Variants in TMUB2 observed in about 807,000 individuals in gnomAD.
TMUB2 encodes the protein transmembrane and ubiquitin like domain containing 2.
TMUB2 carries 19 observed loss-of-function variants against 20.2 expected under a neutral mutation model. That is an observed-to-expected ratio of 0.94 (90% CI 0.66 to 1.38). The LOEUF (loss-of-function observed/expected upper bound fraction) is 1.38, where lower values mean the gene tolerates loss of function less well. TMUB2 is among the 40% of genes most tolerant of loss of function. TMUB2 has a pLI of 0.00. For missense variants in TMUB2, 426 were observed against 402.5 expected, an observed-to-expected ratio of 1.06 and a Z score of -0.50; for synonymous variants, 186 against 166.0, an observed-to-expected ratio of 1.12 and a Z score of -0.92.
At chr17:44,190,407 GT>G in intron 3 of TMUB2, 93 bp from the exon 4 acceptor site, 1 of 1,117,866 alleles carries the variant, frequency 8.9e-7, no homozygotes. Flanking sequence ...CCACCCTCCA[GT>G]TTTTCCCCAC....
chr17:44,191,065 A>G lies in TMUB2; in HGVS notation c.*201A>G, dbSNP rs553262423. ...CAGATGTCCCTCCCGTGCGAGCACA[A>G]CTCAGGTAGAAATGAGGATGTCATC... On this transcript the variant is annotated 3_prime_UTR_variant, in exon 4 of 4. Coordinates refer to ENST00000538716, the MANE Select transcript of TMUB2 (RefSeq NM_001076674.3). 2.9e-6 allele frequency: 4 copies of G among 1,370,370 alleles called. No individual in the cohort carries two copies. Among genetic ancestry groups the G allele is most frequent in the Non-Finnish European group, 3.8e-6 (4 of 1,064,388 alleles). 84.9% of individuals were successfully genotyped at this position (1,370,370 alleles called of 1,614,324 possible). A position where few individuals can be genotyped will look rare whatever the true frequency, so the allele number is the denominator to read the frequency against.
In TMUB2 at chr17:44,189,174, G is replaced by A. The variant is rs1236764197; in HGVS notation, c.188G>A (p.Ser63Asn). 6.2e-6 allele frequency: 10 copies of A among 1,614,036 alleles called. No individual in the cohort carries two copies. The highest frequency in any genetic ancestry group is 1.3e-5 in the African/African-American group (1 of 74,916). Reference sequence around the variant, plus strand: ...TCTACCTACGTAGCAGACAGCGGTAGCAACCAGCTCCTGGGCGCTATTGTG... The same window carrying A: ...TCTACCTACGTAGCAGACAGCGGTAACAACCAGCTCCTGGGCGCTATTGTG... The part of the protein sequence containing the change: ...WLSTYVADSG[S>N]NQLLGAIVSA... Residue 63 changes from serine (S) to asparagine (N), a missense_variant, in exon 3 of 4, where the codon AGC becomes AAC. Physicochemically the swap from Ser to Asn is conservative, Grantham distance 46. Transcript: ENST00000538716.
intron 2 of TMUB2, among the ~76,000 whole-genome samples, chr17:44,188,281 C>T (rs2054779762): frequency 6.6e-6 from 1 of 152,162 alleles, no homozygotes; most frequent in Non-Finnish European, 1.5e-5. Flanking sequence ...GTGGTCATTG[C>T]AGGAGTGGGC....
Position 44,191,371 on chromosome 17 carries a change from T to G in TMUB2, c.*507T>G, listed in dbSNP as rs1016064711. On this transcript the variant is annotated 3_prime_UTR_variant, in exon 4 of 4. Transcript: ENST00000538716. ...TGAAGATTGTGCCAGCCTTCTCTTA[T>G]GGGCACCTAGCCGCCTTCACCTTCT... 1 of 987,820 alleles carries G rather than the reference T, an allele frequency of 1.0e-6. No homozygotes were observed. Among genetic ancestry groups the G allele is most frequent in the African/African-American group, 1.7e-5 (1 of 57,278 alleles). The allele number at this position is 987,820 out of a possible 1,614,324, so 61.2% of individuals were successfully genotyped here.
chr17:44,188,748 T>G (rs1460627602), intron 2 of TMUB2: 3 of 378,930 alleles, frequency 7.9e-6, no homozygotes, highest in Non-Finnish European at 1.4e-5. Flanking sequence ...CTGTGGGCTT[T>G]TCCTGCTGAT....
intron 2 of TMUB2, 92 bp from the exon 3 acceptor site, chr17:44,188,930 T>G: frequency 6.9e-7 from 1 of 1,449,190 alleles, no homozygotes; most frequent in African/African-American, 1.4e-5. Flanking sequence ...TTTTTTTTTT[T>G]TCAGGGCTGG....
rs540996024 is a variant in TMUB2, at chr17:44,188,837, G to A, written c.36-185G>A. 2.9e-6 allele frequency: 3 copies of A among 1,018,494 alleles called. No individual in the cohort carries two copies. The East Asian group carries it at 8.3e-5, about 28-fold the overall frequency. The allele number at this position is 1,018,494 out of a possible 1,614,324, so 63.1% of individuals were successfully genotyped here. ...GCAAGAGTTTCACAATAGAGGCAAA[G>A]GGTAGGGTAGGTCTTTAGGTTTAGG... is the stretch of plus-strand genomic sequence containing the variant. On this transcript the variant is annotated intron_variant, in intron 2 of 3. Coordinates refer to ENST00000538716, the MANE Select transcript of TMUB2 (RefSeq NM_001076674.3).
chr17:44,191,638 T>C lies in TMUB2; in HGVS notation c.*774T>C, dbSNP rs2055606976. On this transcript the variant is annotated 3_prime_UTR_variant, in exon 4 of 4. Transcript: ENST00000538716. ...TCCTACCCTGCCCAACTCCAAGGACTGGGTATGGATTGCTGGGCCCTAGGC... is the reference window on the plus strand; with the variant it reads ...TCCTACCCTGCCCAACTCCAAGGACCGGGTATGGATTGCTGGGCCCTAGGC... 1.0e-6 allele frequency: 1 copy of C among 985,674 alleles called. No homozygotes were observed. Among genetic ancestry groups the C allele is most frequent in the Non-Finnish European group, 1.2e-6 (1 of 829,916 alleles). The allele number at this position is 985,674 out of a possible 1,614,324, so 61.1% of individuals were successfully genotyped here. A position where few individuals can be genotyped will look rare whatever the true frequency, so the allele number is the denominator to read the frequency against.
In TMUB2 at chr17:44,191,525, C is replaced by T; in HGVS notation, c.*661C>T. 1 of 986,052 alleles carries T rather than the reference C, an allele frequency of 1.0e-6. No homozygotes were observed. The highest frequency in any genetic ancestry group is 1.2e-6 in the Non-Finnish European group (1 of 830,090). 61.1% of individuals were successfully genotyped at this position (986,052 alleles called of 1,614,324 possible). ...AAGGGGATGGGGCACCAAGCCAAGC[C>T]CCCAGCATTGGGAGCGGCCAGGCCA... On this transcript the variant is annotated 3_prime_UTR_variant, in exon 4 of 4. Coordinates refer to ENST00000538716, the MANE Select transcript of TMUB2 (RefSeq NM_001076674.3).
Position 44,187,756 on chromosome 17 carries a change from T to G in TMUB2, c.35+13T>G, listed in dbSNP as rs1406060594. 2.8e-6 allele frequency: 2 copies of G among 718,596 alleles called. No individual in the cohort carries two copies. Among genetic ancestry groups the G allele is most frequent in the East Asian group, 5.4e-5 (2 of 37,294 alleles). The allele number at this position is 718,596 out of a possible 1,614,324, so 44.5% of individuals were successfully genotyped here. A position where few individuals can be genotyped will look rare whatever the true frequency, so the allele number is the denominator to read the frequency against. ...ACAACCTCATGAGGTAGGTACTGTTTTTAACCCCATTTTACTGATGAGAAA... is the reference window on the plus strand; with the variant it reads ...ACAACCTCATGAGGTAGGTACTGTTGTTAACCCCATTTTACTGATGAGAAA... On this transcript the variant is annotated intron_variant, in intron 2 of 3. Coordinates refer to ENST00000538716, the MANE Select transcript of TMUB2 (RefSeq NM_001076674.3).
intron 3 of TMUB2, chr17:44,190,039 C>G: frequency 6.0e-6 from 1 of 166,500 alleles, no homozygotes; most frequent in South Asian, 1.5e-4. Context: ...ATACACCCCT[C>G]ATTAGTTAAG....
rs759991577 is a variant in TMUB2, at chr17:44,190,547, G to T, written c.649G>T (p.Gly217Cys). 2.1e-5 allele frequency: 34 copies of T among 1,613,080 alleles called. No individual in the cohort carries two copies. Among genetic ancestry groups the T allele is most frequent in the Non-Finnish European group, 6.8e-6 (8 of 1,179,530 alleles). Residue 217 changes from glycine to cysteine, a missense_variant, in exon 4 of 4, where the codon GGC (glycine) becomes TGC (cysteine). Physicochemically the swap from Gly to Cys is radical, Grantham distance 159 (BLOSUM62 -3). Coordinates refer to ENST00000538716, the MANE Select transcript of TMUB2 (RefSeq NM_001076674.3). Reference sequence around the variant, plus strand: ...AAGCCAGATGAAACTGATCTACCAGGGCCGCCTGCTACAAGACCCAGCCCG... The same window carrying T: ...AAGCCAGATGAAACTGATCTACCAGTGCCGCCTGCTACAAGACCCAGCCCG... ...QESQMKLIYQ[G>C]RLLQDPARTL...
Position 44,191,280 on chromosome 17 carries a change from C to T in TMUB2, c.*416C>T. ...GCCCCAGCACAACTCCGTAGGGAGC[C>T]TGGAGTATCCTTCCATTTCTCAGCC... is the stretch of plus-strand genomic sequence containing the variant. On this transcript the variant is annotated 3_prime_UTR_variant, in exon 4 of 4. Transcript: ENST00000538716. 3.0e-6 allele frequency: 3 copies of T among 999,516 alleles called. No individual in the cohort carries two copies. Among genetic ancestry groups the T allele is most frequent in the Non-Finnish European group, 2.4e-6 (2 of 838,146 alleles). The allele number at this position is 999,516 out of a possible 1,614,324, so 61.9% of individuals were successfully genotyped here. A position where few individuals can be genotyped will look rare whatever the true frequency, so the allele number is the denominator to read the frequency against.
At position 44,189,434 on chromosome 17, in the gene TMUB2, G is replaced by A. The variant is rs1300537184; in HGVS notation, c.448G>A (p.Ala150Thr). 1.9e-6 allele frequency: 3 copies of A among 1,614,086 alleles called. No individual in the cohort carries two copies. Among genetic ancestry groups the A allele is most frequent in the East Asian group, 2.2e-5 (1 of 44,880 alleles). ...IQGLPKRQAG[A>T]GSSSPEAPLR... Reference sequence around the variant, plus strand: ...AGGCCTGCCCAAAAGACAAGCAGGTGCAGGCAGCAGCAGTCCAGAGGCCCC... The same window carrying A: ...AGGCCTGCCCAAAAGACAAGCAGGTACAGGCAGCAGCAGTCCAGAGGCCCC... The change falls in exon 3 of 4, where the codon GCA (alanine) becomes ACA (threonine). Residue 150 changes from alanine to threonine, a missense_variant. Transcript: ENST00000538716.
In TMUB2 at chr17:44,191,625, C is replaced by T. The variant is rs1381368758; in HGVS notation, c.*761C>T. 2.0e-6 allele frequency: 2 copies of T among 985,842 alleles called. No individual in the cohort carries two copies. Among genetic ancestry groups the T allele is most frequent in the South Asian group, 4.7e-5 (1 of 21,288 alleles). 61.1% of individuals were successfully genotyped at this position (985,842 alleles called of 1,614,324 possible). ...CCCTTGGCCAGCGTCCTACCCTGCC[C>T]AACTCCAAGGACTGGGTATGGATTG... is the stretch of plus-strand genomic sequence containing the variant. On this transcript the variant is annotated 3_prime_UTR_variant, in exon 4 of 4. Transcript: ENST00000538716.
Position 44,191,703 on chromosome 17 carries a change from T to C in TMUB2, c.*839T>C. ...CTATTGGAGGGTCAGTGTCTGTGAC[T>C]GAATAAAGTTCCATTTTGTGGTCCT... On this transcript the variant is annotated 3_prime_UTR_variant, in exon 4 of 4. Transcript: ENST00000538716. The C allele has an allele frequency of 1.0e-6, 1 of 985,762 alleles. No individual in the cohort carries two copies. Among genetic ancestry groups the C allele is most frequent in the East Asian group, 1.1e-4 (1 of 8,792 alleles). 61.1% of individuals were successfully genotyped at this position (985,762 alleles called of 1,614,324 possible). A position where few individuals can be genotyped will look rare whatever the true frequency, so the allele number is the denominator to read the frequency against.
At position 44,190,721 on chromosome 17, in the gene TMUB2, G is replaced by C. The variant is rs773553239; in HGVS notation, c.823G>C (p.Val275Leu). The change falls in exon 4 of 4, where the codon GTG becomes CTG. Residue 275 changes from valine to leucine, a missense_variant. Transcript: ENST00000538716. ...SLGVNVGSLMVPVFVVLLGVV... is the reference protein window; with the variant it reads ...SLGVNVGSLMLPVFVVLLGVV... The stretch of plus-strand genomic sequence containing the variant: ...TGGTGTCAATGTGGGCAGCCTCATG[G>C]TGCCTGTCTTTGTGGTGCTGTTGGG... 1.2e-6 allele frequency: 2 copies of C among 1,614,220 alleles called. No homozygotes were observed. Among genetic ancestry groups the C allele is most frequent in the East Asian group, 2.2e-5 (1 of 44,878 alleles).
rs768588135 is a variant in TMUB2, at chr17:44,190,627, A to G, written c.729A>G (p.Ser243=). The change falls in exon 4 of 4, where the codon TCA becomes TCG. Residue 243 remains serine (S), a synonymous_variant. Transcript: ENST00000538716. ...TDNCVIHCHR[S]PPGSAVPGPS... ...ACTGTGTGATTCACTGCCACCGCTC[A>G]CCCCCAGGGTCAGCTGTTCCAGGCC... is the stretch of plus-strand genomic sequence containing the variant. 30 of 1,613,918 alleles carry G rather than the reference A, an allele frequency of 1.9e-5. No homozygotes were observed. The South Asian group carries it at 3.2e-4, about 17-fold the overall frequency.
Position 44,191,242 on chromosome 17 carries a change from G to A in TMUB2, c.*378G>A. 3.9e-6 allele frequency: 4 copies of A among 1,034,718 alleles called. No homozygotes were observed. Among genetic ancestry groups the A allele is most frequent in the Non-Finnish European group, 4.7e-6 (4 of 859,716 alleles). The allele number at this position is 1,034,718 out of a possible 1,614,324, so 64.1% of individuals were successfully genotyped here. On this transcript the variant is annotated 3_prime_UTR_variant, in exon 4 of 4. Transcript: ENST00000538716. Reference sequence around the variant, plus strand: ...CCAGCACCCAGGGCTGCCTGCAAGGGCAGCTCAGCATGGCCCCAGCACAAC... The same window carrying A: ...CCAGCACCCAGGGCTGCCTGCAAGGACAGCTCAGCATGGCCCCAGCACAAC...
Sources: gnomAD v4.1 joint callset for allele counts (sites outside exome capture counted in the v4.1 genomes callset) on GRCh38, gnomAD v4.1.1 for gene constraint, MANE v1.5 for transcripts, NCBI Gene and HGNC (gene_info 2026-07-23, HGNC 2026-07-21) for gene names.